Variants in CFAP61 observed in about 807,000 individuals in gnomAD.
CFAP61 encodes cilia- and flagella-associated protein 61.
A neutral mutation model predicts 135.6 loss-of-function variants in CFAP61; 107 were observed. The ratio of observed to expected loss-of-function variants is 0.79; its 90% confidence interval spans 0.67 to 0.93. The LOEUF (loss-of-function observed/expected upper bound fraction) is 0.93. Ranked by LOEUF, CFAP61 falls within the 40% of genes least tolerant of loss-of-function variation. The pLI is 0.00. For synonymous variants in CFAP61, 575 were observed against 578.5 expected, an observed-to-expected ratio of 0.99 and a Z score of 0.09; for missense variants, 1,507 against 1,556.2, an observed-to-expected ratio of 0.97 and a Z score of 0.53.
At chr20:20,078,230 C>T (rs760079162) in intron 6 of CFAP61, among the ~76,000 whole-genome samples, 32 of 152,196 alleles carry the variant, frequency 2.1e-4, no homozygotes, top group Admixed American at 1.6e-3. Flanking sequence ...TCCCATCATG[C>T]GCTGAACTGG....
intron 9 of CFAP61, among the ~76,000 whole-genome samples, chr20:20,151,850 A>C (rs2052460840): frequency 2.6e-5 from 4 of 151,136 alleles, no homozygotes; most frequent in Admixed American, 6.6e-5. Flanking sequence ...AAAAAAAAAG[A>C]AGCTCAAAGA....
At chr20:20,105,310 C>G (rs992225878) in intron 8 of CFAP61, among the ~76,000 whole-genome samples, 6 of 152,156 alleles carry the variant, frequency 3.9e-5, no homozygotes, top group Admixed American at 2.0e-4. Context: ...GTGCCCTGGT[C>G]ACCTCCACTT....
At chr20:20,210,861 C>T (rs1476935315) in intron 17 of CFAP61, among the ~76,000 whole-genome samples, 2 of 152,262 alleles carry the variant, frequency 1.3e-5, no homozygotes, top group Admixed American at 6.5e-5. Flanking sequence ...CACAGTGGCT[C>T]ATACCTGTCA....
chr20:20,085,363 T>A, intron 6 of CFAP61: 1 of 1,315,530 alleles, frequency 7.6e-7, no homozygotes, highest in Non-Finnish European at 1.0e-6. Context: ...ATGTCATACT[T>A]TATCATTAGC....
At chr20:20,225,300 T>TC (rs1325813154) in intron 17 of CFAP61, 1 of 152,212 alleles carries the variant, frequency 6.6e-6, no homozygotes, top group Non-Finnish European at 1.5e-5. Flanking sequence ...TCAGAAGACT[T>TC]CATCATACCT....
chr20:20,257,620 C>CAAA (rs147860452), intron 20 of CFAP61, among the ~76,000 whole-genome samples: 4 of 58,258 alleles, frequency 6.9e-5, no homozygotes, highest in African/African-American at 2.0e-4. Flanking sequence ...TCAAAAAAAA[C>CAAA]AAAAAAACAA....
chr20:20,231,058 G>A (rs1203661411), intron 18 of CFAP61, among the ~76,000 whole-genome samples: 1 of 152,124 alleles, frequency 6.6e-6, no homozygotes, highest in African/African-American at 2.4e-5. Flanking sequence ...CCTCTTCAAA[G>A]GACACCAAAA....
intron 17 of CFAP61, among the ~76,000 whole-genome samples, chr20:20,208,175 C>T (rs778572761): frequency 1.3e-5 from 2 of 152,134 alleles, no homozygotes; most frequent in African/African-American, 2.4e-5. Context: ...GAGCGTTAAG[C>T]CAGTAGGACT....
At chr20:20,327,704 C>G (rs1358684985) in intron 25 of CFAP61, among the ~76,000 whole-genome samples, 1 of 147,260 alleles carries the variant, frequency 6.8e-6, no homozygotes, top group African/African-American at 2.6e-5. Flanking sequence ...AGCTATCTAC[C>G]CAATCCTAGA....
intron 6 of CFAP61, among the ~76,000 whole-genome samples, chr20:20,088,934 A>C (rs1182217964): frequency 2.0e-5 from 3 of 152,180 alleles, no homozygotes; most frequent in Admixed American, 6.5e-5. Flanking sequence ...GAGCAGGGTG[A>C]AGATTTTCAT....
chr20:20,211,930 G>A (rs988878377), intron 17 of CFAP61, among the ~76,000 whole-genome samples: 1 of 151,996 alleles, frequency 6.6e-6, no homozygotes, highest in African/African-American at 2.4e-5. Context: ...TGTGGGGACA[G>A]CACTTTTCAT....
intron 6 of CFAP61, among the ~76,000 whole-genome samples, chr20:20,079,562 A>G (rs761566073): frequency 3.9e-5 from 6 of 152,116 alleles, no homozygotes; most frequent in Non-Finnish European, 7.4e-5. Context: ...GTGTAATGTG[A>G]TCCCGTTTTT....
chr20:20,231,329 G>A (rs78558061), intron 18 of CFAP61, among the ~76,000 whole-genome samples: 3,212 of 152,168 alleles, frequency 0.021, 112 homozygotes, highest in African/African-American at 0.072. Flanking sequence ...TCCTTCCTAG[G>A]AGGAGCCTGT....
chr20:20,186,768 C>T (rs1269842085), intron 13 of CFAP61, among the ~76,000 whole-genome samples: 1 of 152,108 alleles, frequency 6.6e-6, no homozygotes, highest in Non-Finnish European at 1.5e-5. Flanking sequence ...AAAATTTAAG[C>T]ACAGATGTTC....
chr20:20,083,521 A>T (rs2046577481), intron 6 of CFAP61, among the ~76,000 whole-genome samples: 1 of 152,240 alleles, frequency 6.6e-6, no homozygotes, highest in African/African-American at 2.4e-5. Context: ...GATGAAAAAA[A>T]CATTCTTTAA....
rs760208908 is a variant in CFAP61, at chr20:20,298,302, A to G, written c.3338A>G (p.Tyr1113Cys). The G allele has an allele frequency of 6.2e-7, 1 of 1,614,114 alleles. No homozygotes were observed. The highest frequency in any genetic ancestry group is 8.5e-7 in the Non-Finnish European group (1 of 1,179,994). Residue 1113 changes from tyrosine to cysteine, a missense_variant, in exon 25 of 27, where the codon TAC becomes TGC. Tyr to Cys is a radical substitution (Grantham distance 194). Coordinates refer to ENST00000245957, the MANE Select transcript of CFAP61 (RefSeq NM_015585.4). ...LSREPFPASNYIRLFGQHEQL... is the reference protein window; with the variant it reads ...LSREPFPASNCIRLFGQHEQL... The stretch of plus-strand genomic sequence containing the variant: ...AGGGAGCCCTTCCCCGCCTCCAACT[A>G]CATCCGCTTGTTTGGCCAGCACGAG...
intron 21 of CFAP61, chr20:20,265,383 A>C (rs774757478): frequency 1.3e-6 from 1 of 779,770 alleles, no homozygotes; most frequent in South Asian, 1.3e-5. Flanking sequence ...AGTCTCTTTC[A>C]TGTGCCTTTG....
At chr20:20,160,007 G>A (rs564265382) in intron 10 of CFAP61, among the ~76,000 whole-genome samples, 8 of 152,252 alleles carry the variant, frequency 5.3e-5, no homozygotes, top group Non-Finnish European at 8.8e-5. Context: ...CAGGTGGTCC[G>A]TTGACCACTC....
At chr20:20,224,024 T>C (rs1230889479) in intron 17 of CFAP61, among the ~76,000 whole-genome samples, 1 of 152,212 alleles carries the variant, frequency 6.6e-6, no homozygotes, top group Non-Finnish European at 1.5e-5. Flanking sequence ...TCTATTCTTT[T>C]ACCACTTACC....
Sources: allele counts gnomAD v4.1 joint callset (sites outside exome capture counted in the v4.1 genomes callset), GRCh38; gene constraint gnomAD v4.1.1; transcripts MANE v1.5; gene names NCBI Gene and HGNC (gene_info 2026-07-23, HGNC 2026-07-21).